GDAP1: variants seen among roughly 807,000 people sequenced by gnomAD.
GDAP1 encodes the protein ganglioside-induced differentiation-associated protein 1.
In GDAP1, 34 loss-of-function variants were observed where a neutral mutation model predicts 40.1. The observed-to-expected ratio is 0.85, with a 90% confidence interval of 0.64 to 1.13. The LOEUF (loss-of-function observed/expected upper bound fraction) is 1.13. Ranked by LOEUF, GDAP1 falls within the 50% of genes most tolerant of loss-of-function variation. GDAP1 has a pLI of 0.00. For missense variants in GDAP1, 374 were observed against 433.7 expected, an observed-to-expected ratio of 0.86 and a Z score of 1.22; for synonymous variants, 170 against 157.4, an observed-to-expected ratio of 1.08 and a Z score of -0.60.
chr8:74,406,801 C>T lies in GDAP1; in HGVS notation c.165+55480C>T, dbSNP rs190278118. On this transcript the variant is annotated intron_variant, in intron 2 of 2. Transcript: ENST00000523640. The stretch of plus-strand genomic sequence containing the variant: ...TTGCGGCTTTTGACAAATAATTGTT[C>T]AGGCTGGTACTAGGGAAGTCCCAGA... 8.8e-4 allele frequency among the ~76,000 whole-genome samples: 132 copies of T among 149,666 alleles called. 1 individual carries two copies. The highest frequency in any genetic ancestry group is 1.6e-3 in the Non-Finnish European group (112 of 68,002).
Position 74,409,454 on chromosome 8 carries a change from C to T in GDAP1, c.165+58133C>T, listed in dbSNP as rs151008816. 1.2e-3 allele frequency among the ~76,000 whole-genome samples: 186 copies of T among 149,820 alleles called. 15 individuals carry two copies. Among genetic ancestry groups the T allele is most frequent in the African/African-American group, 4.3e-3 (169 of 39,196 alleles). ...GCAACCTCTGCCTCCCAGGCTCAAG[C>T]GATTCTCCTGCCCCAGCCTCCGGAG... On this transcript the variant is annotated intron_variant, in intron 2 of 2. Coordinates refer to the GDAP1 transcript ENST00000523640.
intron 2 of GDAP1, among the ~76,000 whole-genome samples, chr8:74,407,984 C>T (rs1161843092): frequency 2.0e-5 from 3 of 149,914 alleles, no homozygotes. Context: ...TTTTCTATTT[C>T]TTTCCTCAAC....
At chr8:74,363,306 AAATTTGT>A (rs1427429467) in intron 5 of GDAP1, among the ~76,000 whole-genome samples, 1 of 152,216 alleles carries the variant, frequency 6.6e-6, no homozygotes, top group Non-Finnish European at 1.5e-5. Context: ...CCTGTTTTAC[AAATTTGT>A]AATTACAGTA....
downstream of GDAP1, among the ~76,000 whole-genome samples, chr8:74,367,334 T>G (rs1469750362): frequency 6.6e-6 from 1 of 152,216 alleles, no homozygotes; most frequent in Non-Finnish European, 1.5e-5. Context: ...CTTCTACATT[T>G]CTAGCTTAGT....
intron 2 of GDAP1, among the ~76,000 whole-genome samples, chr8:74,447,049 TC>T (rs1806238249): frequency 2.6e-5 from 4 of 152,250 alleles, no homozygotes; most frequent in African/African-American, 9.6e-5. Flanking sequence ...ATATAATCTT[TC>T]CACAAGGGCC....
intron 2 of GDAP1, among the ~76,000 whole-genome samples, chr8:74,413,940 G>A (rs1348469690): frequency 1.3e-5 from 2 of 149,924 alleles, no homozygotes; most frequent in African/African-American, 5.1e-5. Flanking sequence ...GAATTCCTGA[G>A]CTCACCCTTG....
chr8:74,442,454 C>T (rs1362495409), intron 2 of GDAP1, among the ~76,000 whole-genome samples: 6 of 152,196 alleles, frequency 3.9e-5, no homozygotes, highest in Admixed American at 3.9e-4. Flanking sequence ...TGGGTTGCCA[C>T]TCCATTCCTG....
At chr8:74,373,473 A>C in intron 2 of GDAP1, among the ~76,000 whole-genome samples, 1 of 152,278 alleles carries the variant, frequency 6.6e-6, no homozygotes, top group Middle Eastern at 3.4e-3. Context: ...GGTCCTTCAC[A>C]TCCCTTGTAA....
At chr8:74,387,392 C>T (rs552038422) in intron 2 of GDAP1, among the ~76,000 whole-genome samples, 17 of 152,116 alleles carry the variant, frequency 1.1e-4, no homozygotes, top group African/African-American at 2.7e-4. Context: ...TAGCATGAAG[C>T]GGTGTTGAAT....
At chr8:74,400,842 G>T (rs1248052068) in intron 2 of GDAP1, among the ~76,000 whole-genome samples, 2 of 149,086 alleles carry the variant, frequency 1.3e-5, no homozygotes, top group Non-Finnish European at 2.9e-5. Flanking sequence ...GAAATTCTGG[G>T]TTGAAAATTC....
At chr8:74,460,785 CAGAGAAAGAGAG>C (rs199845263) in intron 2 of GDAP1, among the ~76,000 whole-genome samples, 3,564 of 151,624 alleles carry the variant, frequency 0.024, 51 homozygotes, top group Non-Finnish European at 0.034. Context: ...CATGAATATA[CAGAGAAAGAGAG>C]AGAGAATGAG....
Position 74,444,809 on chromosome 8 carries a change from A to G in GDAP1, c.166-43869A>G, listed in dbSNP as rs116798685. On this transcript the variant is annotated intron_variant, in intron 2 of 2. Transcript: ENST00000523640. ...CTTAAATCAGACTACAAATTAGATTAGTGCTAAGGACTGGATGACTTTGGG... is the reference window on the plus strand; with the variant it reads ...CTTAAATCAGACTACAAATTAGATTGGTGCTAAGGACTGGATGACTTTGGG... Among the ~76,000 whole-genome samples, 1,264 of 152,340 alleles carry G rather than the reference A, an allele frequency of 8.3e-3. 24 individuals carry two copies. Among genetic ancestry groups the G allele is most frequent in the African/African-American group, 0.029 (1,201 of 41,578 alleles).
intron 2 of GDAP1, among the ~76,000 whole-genome samples, chr8:74,381,293 T>A (rs1371906552): frequency 6.6e-6 from 1 of 152,060 alleles, no homozygotes; most frequent in African/African-American, 2.4e-5. Context: ...GCAGAGTTCG[T>A]AACAAAAAAA....
chr8:74,397,199 GTTT>G (rs144276375), intron 2 of GDAP1, among the ~76,000 whole-genome samples: 43 of 144,436 alleles, frequency 3.0e-4, no homozygotes, highest in Admixed American at 6.2e-4. Flanking sequence ...TTTTTGATGG[GTTT>G]TTTTTTTTTT....
downstream of GDAP1, among the ~76,000 whole-genome samples, chr8:74,370,690 C>T (rs1247927092): frequency 6.6e-6 from 1 of 152,010 alleles, no homozygotes; most frequent in Non-Finnish European, 1.5e-5. Flanking sequence ...TAAAATGTTC[C>T]AATTGAAGGT....
At chr8:74,418,400 T>C (rs1805812259) in intron 2 of GDAP1, among the ~76,000 whole-genome samples, 1 of 152,204 alleles carries the variant, frequency 6.6e-6, no homozygotes, top group African/African-American at 2.4e-5. Context: ...TATGGCCAAT[T>C]GATTTTTAAC....
intron 2 of GDAP1, among the ~76,000 whole-genome samples, chr8:74,466,158 T>C (rs1408994111): frequency 2.0e-5 from 3 of 152,324 alleles, no homozygotes; most frequent in Middle Eastern, 3.4e-3. Flanking sequence ...TGCAAAGATA[T>C]GACTTCATAA....
intron 2 of GDAP1, among the ~76,000 whole-genome samples, chr8:74,473,820 GT>G (rs139078734): frequency 0.33 from 50,034 of 151,934 alleles, 9,450 homozygotes; most frequent in Non-Finnish European, 0.41. Context: ...TTTTAGAATA[GT>G]TTTTTTCCTG....
rs929070150 is a variant in GDAP1 at position 74,365,553 on chromosome 8, T to G, written c.*1186T>G. On this transcript the variant is annotated 3_prime_UTR_variant, in exon 6 of 6. Transcript: ENST00000220822. ...TTCCCTGGAGCTGGCCATGAAGGCC[T>G]TAGAAGCCATTTCTGGTGTCTGGTG... 1.8e-5 allele frequency: 8 copies of G among 454,314 alleles called. No individual in the cohort carries two copies. The East Asian group carries it at 5.6e-4, about 32-fold the overall frequency. The allele number at this position is 454,314 out of a possible 1,614,324, so 28.1% of individuals were successfully genotyped here. A position where few individuals can be genotyped will look rare whatever the true frequency, so the allele number is the denominator to read the frequency against.
Sources: allele counts gnomAD v4.1 joint callset (sites outside exome capture counted in the v4.1 genomes callset), GRCh38; gene constraint gnomAD v4.1.1; transcripts MANE v1.5; gene names NCBI Gene and HGNC (gene_info 2026-07-23, HGNC 2026-07-21).